EYS: variants seen among roughly 807,000 people sequenced by gnomAD.
The protein encoded by EYS is EGF-like photoreceptor maintenance factor.
In EYS, 250 loss-of-function variants were observed where a neutral mutation model predicts 282.1. The ratio of observed to expected loss-of-function variants is 0.89; its 90% CI spans 0.80 to 0.98. The LOEUF (loss-of-function observed/expected upper bound fraction) is 0.98. Among genes scored for constraint, EYS ranks in the 50% least tolerant of loss-of-function variants. The pLI is 0.00. For synonymous variants in EYS, 1,355 were observed against 1,282.9 expected, an observed-to-expected ratio of 1.06 and a Z score of -1.20; for missense variants, 4,016 against 3,709.0, an observed-to-expected ratio of 1.08 and a Z score of -2.15.
chr6:65,344,925 G>T (rs984499342), intron 9 of EYS, among the ~76,000 whole-genome samples: 3 of 151,552 alleles, frequency 2.0e-5, no homozygotes, highest in African/African-American at 7.3e-5. Context: ...TTTGTCAGAG[G>T]ACAGTATTTA....
chr6:64,759,056 G>A (rs1201413425), intron 22 of EYS, among the ~76,000 whole-genome samples: 1 of 152,068 alleles, frequency 6.6e-6, no homozygotes, highest in East Asian at 1.9e-4. Flanking sequence ...GGAGAATGGC[G>A]TGAACCCGGG....
intron 2 of EYS, among the ~76,000 whole-genome samples, chr6:65,563,582 T>A (rs1160920687): frequency 2.0e-5 from 3 of 151,914 alleles, no homozygotes; most frequent in African/African-American, 2.4e-5. Context: ...CAGTTTTTTT[T>A]ATCTAAAGAA....
intron 33 of EYS, among the ~76,000 whole-genome samples, chr6:64,009,733 A>G (rs997653783): frequency 1.3e-5 from 2 of 152,060 alleles, no homozygotes; most frequent in Admixed American, 1.3e-4. Context: ...TTGTCATTTC[A>G]GCCATTTAGG....
chr6:64,008,549 C>T (rs1304597163), intron 33 of EYS, among the ~76,000 whole-genome samples: 1 of 152,084 alleles, frequency 6.6e-6, no homozygotes, highest in East Asian at 1.9e-4. Flanking sequence ...TGTGTGGTTG[C>T]TTTATGGTGT....
intron 12 of EYS, among the ~76,000 whole-genome samples, chr6:65,071,796 T>C (rs1773910076): frequency 6.6e-6 from 1 of 151,872 alleles, no homozygotes; most frequent in Non-Finnish European, 1.5e-5. Flanking sequence ...CCAAAATTCA[T>C]GTATTGTAAA....
intron 29 of EYS, among the ~76,000 whole-genome samples, chr6:64,382,668 G>A (rs1327960269): frequency 3.3e-5 from 5 of 152,208 alleles, no homozygotes; most frequent in Non-Finnish European, 5.9e-5. Context: ...AATGGAGACC[G>A]TTTCAAACTA....
At chr6:64,902,606 AG>A (rs1310597093) in intron 16 of EYS, 106 bp from the exon 17 acceptor site, 1 of 609,840 alleles carries the variant, frequency 1.6e-6, no homozygotes, top group African/African-American at 2.0e-5. Context: ...AGGTTAAAAA[AG>A]GAAAAAGAAA....
At chr6:64,927,837 T>C (rs1416974396) in intron 15 of EYS, among the ~76,000 whole-genome samples, 3 of 152,086 alleles carry the variant, frequency 2.0e-5, no homozygotes, top group African/African-American at 7.2e-5. Flanking sequence ...AAATAGATAA[T>C]TTAATTTACA....
At chr6:64,936,372 T>A (rs930444202) in intron 15 of EYS, among the ~76,000 whole-genome samples, 4 of 151,454 alleles carry the variant, frequency 2.6e-5, no homozygotes, top group Non-Finnish European at 5.9e-5. Context: ...TTGATTTTCT[T>A]TTAAGCTCAG....
intron 31 of EYS, among the ~76,000 whole-genome samples, chr6:64,199,754 A>G (rs556753028): frequency 4.3e-4 from 66 of 152,314 alleles, no homozygotes; most frequent in Middle Eastern, 3.4e-3. Flanking sequence ...AAAAATGAGC[A>G]AAGGATATAT....
chr6:64,529,843 G>A lies in EYS; in HGVS notation c.5644+60380C>T, dbSNP rs1199969116. Among the ~76,000 whole-genome samples, 3 of 147,360 alleles carry A rather than the reference G, an allele frequency of 2.0e-5. No individual in the cohort carries two copies. In the East Asian group the frequency reaches 6.1e-4, roughly 30 times the overall value. ...GCAGAACACGTTAAAATAAAGTTTTGAAATGTATGAAATGAAGATGGAGAA... is the reference window on the plus strand; with the variant it reads ...GCAGAACACGTTAAAATAAAGTTTTAAAATGTATGAAATGAAGATGGAGAA... On this transcript the variant is annotated intron_variant, in intron 26 of 42. Coordinates refer to ENST00000503581, the MANE Select transcript of EYS (RefSeq NM_001142800.2).
At chr6:64,333,401 A>G (rs547596298) in intron 29 of EYS, among the ~76,000 whole-genome samples, 1 of 152,288 alleles carries the variant, frequency 6.6e-6, no homozygotes, top group Non-Finnish European at 1.5e-5. Context: ...AGGACAAGAA[A>G]AAGTCAGCAG....
intron 33 of EYS, among the ~76,000 whole-genome samples, chr6:64,053,670 G>A (rs1017576402): frequency 1.3e-5 from 2 of 152,104 alleles, no homozygotes; most frequent in African/African-American, 4.8e-5. Flanking sequence ...AGACCAAGAA[G>A]TATGCTTAGA....
chr6:65,298,026 T>A (rs551727992), intron 11 of EYS, among the ~76,000 whole-genome samples: 1 of 152,192 alleles, frequency 6.6e-6, no homozygotes, highest in African/African-American at 2.4e-5. Flanking sequence ...CATAATGCTG[T>A]TTGTTATTCC....
At chr6:65,605,987 T>C (rs1477509427) in intron 2 of EYS, among the ~76,000 whole-genome samples, 1 of 151,660 alleles carries the variant, frequency 6.6e-6, no homozygotes, top group Non-Finnish European at 1.5e-5. Context: ...AATAAACATT[T>C]ACAGATAAAA....
chr6:65,334,921 T>A (rs1163293367), intron 11 of EYS, 59 bp downstream of exon 11: 1 of 1,493,270 alleles, frequency 6.7e-7, no homozygotes, highest in Non-Finnish European at 9.3e-7. Flanking sequence ...TCGATGACTA[T>A]CAATTTAATT....
chr6:63,812,189 C>G (rs1771064799), intron 36 of EYS, among the ~76,000 whole-genome samples: 1 of 152,178 alleles, frequency 6.6e-6, no homozygotes, highest in Non-Finnish European at 1.5e-5. Flanking sequence ...ATACTCGTTT[C>G]TTCTTTCTCA....
intron 12 of EYS, among the ~76,000 whole-genome samples, chr6:65,290,275 C>G (rs1768487341): frequency 6.6e-6 from 1 of 150,710 alleles, no homozygotes. Context: ...AAACAAAAAT[C>G]AGAGAAAACC....
At chr6:65,085,162 C>T (rs1198415752) in intron 12 of EYS, among the ~76,000 whole-genome samples, 1 of 152,066 alleles carries the variant, frequency 6.6e-6, no homozygotes, top group Non-Finnish European at 1.5e-5. Context: ...AAGAGTAAAA[C>T]TAAGAAGTAC....
Sources: allele counts gnomAD v4.1 joint callset (sites outside exome capture counted in the v4.1 genomes callset), GRCh38; gene constraint gnomAD v4.1.1; transcripts MANE v1.5; gene names NCBI Gene and HGNC (gene_info 2026-07-23, HGNC 2026-07-21).